Variants in MTSS1 observed in about 807,000 individuals in gnomAD.
MTSS1 encodes the protein protein MTSS 1.
MTSS1 carries 18 observed loss-of-function variants against 79.0 expected under a neutral mutation model. The ratio of observed to expected loss-of-function variants is 0.23; its 90% CI spans 0.16 to 0.34. The LOEUF is 0.34. Ranked by LOEUF, MTSS1 falls within the 10% of genes least tolerant of loss-of-function variation. MTSS1 has a pLI of 1.00. For synonymous variants in MTSS1, 341 were observed against 368.6 expected, an observed-to-expected ratio of 0.93 and a Z score of 0.86; for missense variants, 815 against 986.2, an observed-to-expected ratio of 0.83 and a Z score of 2.33.
chr8:124,657,787 G>A (rs1352604086), intron 3 of MTSS1, among the ~76,000 whole-genome samples: 1 of 152,124 alleles, frequency 6.6e-6, no homozygotes, highest in Non-Finnish European at 1.5e-5. Flanking sequence ...ACCCATTATT[G>A]GCCCATTTCA....
intron 9 of MTSS1, among the ~76,000 whole-genome samples, chr8:124,563,581 A>G (rs1427033331): frequency 1.3e-5 from 2 of 152,212 alleles, no homozygotes; most frequent in African/African-American, 4.8e-5. Flanking sequence ...TCAACTCACT[A>G]TGTTGGTGTG....
chr8:124,713,143 A>G (rs551342846), intron 1 of MTSS1, among the ~76,000 whole-genome samples: 1 of 152,294 alleles, frequency 6.6e-6, no homozygotes, highest in South Asian at 2.1e-4. Context: ...TCAGCCCACT[A>G]GCCACACCTC....
At chr8:124,591,291 G>A in intron 3 of MTSS1, 56 bp from the exon 4 acceptor site, 1 of 1,413,710 alleles carries the variant, frequency 7.1e-7, no homozygotes. Flanking sequence ...GGATCATGGA[G>A]GTCTTTAGAG....
chr8:124,699,396 TA>T, intron 3 of MTSS1, 129 bp downstream of exon 3: 4 of 774,192 alleles, frequency 5.2e-6, no homozygotes, highest in Non-Finnish European at 8.4e-6. Flanking sequence ...CACAGAGTTT[TA>T]AAAAATGGGA....
At position 124,597,125 on chromosome 8, in the gene MTSS1, A is replaced by G. The variant is rs769314262; in HGVS notation, c.209-5890T>C. On this transcript the variant is annotated intron_variant, in intron 3 of 13. Coordinates refer to ENST00000518547, the MANE Select transcript of MTSS1 (RefSeq NM_014751.6). The surrounding 1 kb of genome is among the most constrained non-coding windows in gnomAD (Gnocchi z 4.6). The stretch of plus-strand genomic sequence containing the variant: ...TTCAAGGACGGTGAAGACAGGTGCC[A>G]GGCCCTTGAGCAGCTTACAAAGATT... Among the ~76,000 whole-genome samples the G allele has an allele frequency of 6.6e-6, 1 of 152,212 alleles. No individual in the cohort carries two copies. The highest frequency in any genetic ancestry group is 1.5e-5 in the Non-Finnish European group (1 of 68,034).
At chr8:124,585,338 A>G (rs1050313971) in intron 5 of MTSS1, among the ~76,000 whole-genome samples, 177 bp from the exon 6 acceptor site, 3 of 152,172 alleles carry the variant, frequency 2.0e-5, no homozygotes, top group Non-Finnish European at 4.4e-5. Context: ...GGGGCTAGAG[A>G]CACGAAAACA....
chr8:124,716,433 G>A (rs1587965214), intron 1 of MTSS1, among the ~76,000 whole-genome samples: 2 of 152,294 alleles, frequency 1.3e-5, no homozygotes, highest in Non-Finnish European at 1.5e-5. Context: ...ACACATGTGC[G>A]GGAGATAGCT....
chr8:124,649,705 G>T (rs553413640), intron 3 of MTSS1, among the ~76,000 whole-genome samples: 27 of 152,214 alleles, frequency 1.8e-4, no homozygotes, highest in African/African-American at 4.3e-4. Context: ...GGTTCCTACT[G>T]CTATGACCTC....
In MTSS1 at chr8:124,636,263, C is replaced by T. The variant is rs574874877; in HGVS notation, c.209-45028G>A. On this transcript the variant is annotated intron_variant, in intron 3 of 13. Coordinates refer to ENST00000518547, the MANE Select transcript of MTSS1 (RefSeq NM_014751.6). ...TCCTGCCTCAGCCTCTGGAGTAGCTCGGACTACACTTGTGTGCCACCATGC... is the reference window on the plus strand; with the variant it reads ...TCCTGCCTCAGCCTCTGGAGTAGCTTGGACTACACTTGTGTGCCACCATGC... Among the ~76,000 whole-genome samples, 59 of 152,266 alleles carry T rather than the reference C, an allele frequency of 3.9e-4. 1 individual carries two copies. In the South Asian group the frequency reaches 0.01, roughly 27 times the overall value.
chr8:124,580,542 T>G, intron 6 of MTSS1: 1 of 1,535,890 alleles, frequency 6.5e-7, no homozygotes, highest in Non-Finnish European at 8.7e-7. Context: ...TTTGGGATGG[T>G]AGACTTACCA....
rs555029991 is a variant in MTSS1 at position 124,589,406 on chromosome 8, TCACACCAAAGAAA to T, written c.385+201_385+213del. ...AGACTATCAGCTGCTGAATGTTGTT[TCACACCAAAGAAA>T]CAGCACTCAGCCTCACAACGGGATC... is the stretch of plus-strand genomic sequence containing the variant. On this transcript the variant is annotated intron_variant, in intron 5 of 13. Transcript: ENST00000518547. 8.5e-5 allele frequency among the ~76,000 whole-genome samples: 13 copies of T among 152,324 alleles called. No individual in the cohort carries two copies. In the South Asian group the frequency reaches 2.7e-3, roughly 32 times the overall value.
chr8:124,727,467 C>T lies in MTSS1; in HGVS notation c.72+417G>A. On this transcript the variant is annotated intron_variant, in intron 1 of 13. Coordinates refer to ENST00000518547, the MANE Select transcript of MTSS1 (RefSeq NM_014751.6). This position sits in a 1 kb window ranked among gnomAD's most constrained non-coding sequence, Gnocchi z 4.7. ...CTGCGAGCGGGCAGAGCCCCCACTT[C>T]CTCCCCACCACCGCGCCAGGCGCCC... The T allele has an allele frequency of 2.3e-6, 1 of 441,224 alleles. No individual in the cohort carries two copies. The highest frequency in any genetic ancestry group is 4.5e-6 in the Non-Finnish European group (1 of 220,472). The allele number at this position is 441,224 out of a possible 1,614,324, so 27.3% of individuals were successfully genotyped here. A position where few individuals can be genotyped will look rare whatever the true frequency, so the allele number is the denominator to read the frequency against.
At chr8:124,594,744 A>AC (rs1169234319) in intron 3 of MTSS1, among the ~76,000 whole-genome samples, 1 of 152,154 alleles carries the variant, frequency 6.6e-6, no homozygotes, top group Non-Finnish European at 1.5e-5. Context: ...TCCTCTGTGG[A>AC]CCCCAGGACT....
At position 124,589,729 on chromosome 8, in the gene MTSS1, G is replaced by A. The variant is rs1831504401; in HGVS notation, c.294-18C>T. The A allele has an allele frequency of 3.9e-6, 6 of 1,523,532 alleles. No individual in the cohort carries two copies. The South Asian group carries it at 5.7e-5, about 15-fold the overall frequency. The allele number at this position is 1,523,532 out of a possible 1,614,324, so 94.4% of individuals were successfully genotyped here. Reference sequence around the variant, plus strand: ...TTAAAGCGCTTTTACCAAGCGGGGGGGAAAAAGGGAGAAATTAAATAGATA... The same window carrying A: ...TTAAAGCGCTTTTACCAAGCGGGGGAGAAAAAGGGAGAAATTAAATAGATA... On this transcript the variant is annotated intron_variant, in intron 4 of 13. Transcript: ENST00000518547.
At position 124,582,556 on chromosome 8, in the gene MTSS1, C is replaced by A. The variant is rs1381404259; in HGVS notation, c.460+2531G>T. Among the ~76,000 whole-genome samples, 1 of 152,060 alleles carries A rather than the reference C, an allele frequency of 6.6e-6. No individual in the cohort carries two copies. Among genetic ancestry groups the A allele is most frequent in the East Asian group, 1.9e-4 (1 of 5,202 alleles). On this transcript the variant is annotated intron_variant, in intron 6 of 13. Transcript: ENST00000518547. The surrounding 1 kb of genome is among the most constrained non-coding windows in gnomAD (Gnocchi z 4.8). ...GCATGGCAGGAAGCTGCTTGAGAAT[C>A]TCCTGGAAACATATTAAAAAGGAAG...
chr8:124,667,825 C>A (rs867863222), intron 3 of MTSS1, among the ~76,000 whole-genome samples: 1 of 152,028 alleles, frequency 6.6e-6, no homozygotes, highest in Non-Finnish European at 1.5e-5. Context: ...CACCTATAAT[C>A]CCAACACTTT....
Position 124,567,115 on chromosome 8 carries a change from T to C in MTSS1, c.682A>G (p.Ser228Gly). ...HLQTISEDLK[S>G]LTMDPHKLPS... The stretch of plus-strand genomic sequence containing the variant: ...AGTTTGTGAGGGTCCATGGTCAGGC[T>C]TTTTAGATCTTCCGAGATGGTCTGA... The change falls in exon 8 of 14, where the codon AGC (serine) becomes GGC (glycine). Residue 228 changes from serine (S) to glycine (G), a missense_variant. Ser to Gly is a moderately conservative substitution (Grantham distance 56). Transcript: ENST00000518547. The C allele has an allele frequency of 6.2e-7, 1 of 1,614,154 alleles. No individual in the cohort carries two copies. The highest frequency in any genetic ancestry group is 8.5e-7 in the Non-Finnish European group (1 of 1,179,968).
At chr8:124,657,637 C>T (rs557594896) in intron 3 of MTSS1, among the ~76,000 whole-genome samples, 7 of 152,240 alleles carry the variant, frequency 4.6e-5, no homozygotes, top group East Asian at 3.9e-4. Context: ...AAGCCCACTG[C>T]GCATACATCA....
intron 5 of MTSS1, among the ~76,000 whole-genome samples, chr8:124,588,686 C>T (rs1363211646): frequency 3.3e-5 from 5 of 152,130 alleles, no homozygotes; most frequent in African/African-American, 1.2e-4. Context: ...AAATGTTTGG[C>T]ATTTAAACCT....
Sources: allele counts gnomAD v4.1 joint callset (sites outside exome capture counted in the v4.1 genomes callset), GRCh38; gene constraint gnomAD v4.1.1; non-coding constraint Gnocchi (gnomAD v3.1); transcripts MANE v1.5; gene names NCBI Gene and HGNC (gene_info 2026-07-23, HGNC 2026-07-21).